The following MDGA1 variants were observed in gnomAD, a reference collection of about 807,000 sequenced individuals.
The protein encoded by MDGA1 is MAM domain-containing glycosylphosphatidylinositol anchor protein 1.
In MDGA1, 54 loss-of-function variants were observed where a neutral mutation model predicts 101.5. The observed-to-expected ratio is 0.53, with a 90% CI of 0.43 to 0.67. The LOEUF is 0.67. Ranked by LOEUF, MDGA1 falls within the 30% of genes least tolerant of loss-of-function variation. The pLI, the probability that MDGA1 is intolerant of heterozygous loss-of-function variation, is 0.00. For synonymous variants in MDGA1, 533 were observed against 558.3 expected (o/e 0.95, Z 0.64); for missense variants, 1,083 against 1,323.8 (o/e 0.82, Z 2.82).
intron 14 of MDGA1, among the ~76,000 whole-genome samples, chr6:37,642,386 G>A (rs907162361): frequency 6.6e-6 from 1 of 151,922 alleles, no homozygotes; most frequent in Non-Finnish European, 1.5e-5. Flanking sequence ...TAGCCAGGCT[G>A]GTCTCGAACT....
At position 37,655,512 on chromosome 6, in the gene MDGA1, T is replaced by C. The variant is rs905955639; in HGVS notation, c.579+188A>G. ...GCCTCGGGGACACTCCTGCCCTCAT[T>C]GCTGCTCCCTGACCTTTCCATCTGA... On this transcript the variant is annotated intron_variant, in intron 4 of 16. Transcript: ENST00000434837. The surrounding 1 kb of genome is among the most constrained non-coding windows in gnomAD (Gnocchi z 5.1). The C allele has an allele frequency of 6.5e-5, 38 of 580,466 alleles. No homozygotes were observed. Among genetic ancestry groups the C allele is most frequent in the Non-Finnish European group, 9.7e-5 (32 of 328,900 alleles). The allele number at this position is 580,466 out of a possible 1,614,324, so 36.0% of individuals were successfully genotyped here. A position where few individuals can be genotyped will look rare whatever the true frequency, so the allele number is the denominator to read the frequency against.
At chr6:37,683,665 C>T (rs571067821) in intron 1 of MDGA1, among the ~76,000 whole-genome samples, 50 of 152,370 alleles carry the variant, frequency 3.3e-4, no homozygotes, top group South Asian at 2.9e-3. Flanking sequence ...CTAGTTCCCT[C>T]ACCCCATGGT....
At chr6:37,657,158 T>TA (rs1316811441) in intron 3 of MDGA1, among the ~76,000 whole-genome samples, 1 of 94,434 alleles carries the variant, frequency 1.1e-5, no homozygotes, top group Non-Finnish European at 2.6e-5. Context: ...AATCCTCACT[T>TA]TAAAAAAATA....
At chr6:37,672,425 C>G (rs1375133773) in intron 1 of MDGA1, among the ~76,000 whole-genome samples, 1 of 152,140 alleles carries the variant, frequency 6.6e-6, no homozygotes, top group Non-Finnish European at 1.5e-5. Context: ...GGCGACAGAG[C>G]AAGACCCCTA....
At position 37,658,258 on chromosome 6, in the gene MDGA1, G is replaced by A. The variant is rs1761536858; in HGVS notation, c.369C>T (p.Arg123=). 6.2e-7 allele frequency: 1 copy of A among 1,601,384 alleles called. No individual in the cohort carries two copies. The highest frequency in any genetic ancestry group is 8.5e-7 in the Non-Finnish European group (1 of 1,173,772). The change falls in exon 3 of 17, where the codon CGC becomes CGT. Residue 123 remains arginine (R), a synonymous_variant. Transcript: ENST00000434837. ...GCCTCAACTCACACTGCACGTCCAC[G>A]CGGATGGACTTGATGGCCGGCACCC... is the stretch of plus-strand genomic sequence containing the variant. ...GVGVPAIKSI[R]VDVQYLDEPM...
chr6:37,654,903 G>A lies in MDGA1; in HGVS notation c.609C>T (p.Asn203=), dbSNP rs1196517796. 6.2e-7 allele frequency: 1 copy of A among 1,613,534 alleles called. No homozygotes were observed. The highest frequency in any genetic ancestry group is 1.3e-5 in the African/African-American group (1 of 74,854). The change falls in exon 5 of 17, where the codon AAC becomes AAT. Residue 203 remains asparagine, a synonymous_variant. Coordinates refer to ENST00000434837, the MANE Select transcript of MDGA1 (RefSeq NM_153487.4). Reference sequence around the variant, plus strand: ...AGCTGGCATAGTCCTGGGGCCGCAGGTTCTTCAGCTTCAGGACCTTGGTCT... The same window carrying A: ...AGCTGGCATAGTCCTGGGGCCGCAGATTCTTCAGCTTCAGGACCTTGGTCT... ...QGETKVLKLK[N]LRPQDYASYT... is the part of the protein sequence containing the mutation.
Position 37,644,759 on chromosome 6 carries a change from C to A in MDGA1, c.2249-110G>T, listed in dbSNP as rs1764186761. 5.1e-6 allele frequency: 6 copies of A among 1,179,244 alleles called. No individual in the cohort carries two copies. The South Asian group carries it at 1.4e-4, about 28-fold the overall frequency. The allele number at this position is 1,179,244 out of a possible 1,614,324, so 73.0% of individuals were successfully genotyped here. On this transcript the variant is annotated intron_variant, in intron 12 of 16. Coordinates refer to ENST00000434837, the MANE Select transcript of MDGA1 (RefSeq NM_153487.4). Reference sequence around the variant, plus strand: ...AGCTCCCATGCATCCAAGCAAGGCACCCAGGATTCCGGGCTTCAAAAGACC... The same window carrying A: ...AGCTCCCATGCATCCAAGCAAGGCAACCAGGATTCCGGGCTTCAAAAGACC...
Position 37,697,045 on chromosome 6 carries a change from G to T in MDGA1, c.-234C>A. 2.3e-6 allele frequency: 1 copy of T among 427,888 alleles called. No individual in the cohort carries two copies. Among genetic ancestry groups the T allele is most frequent in the Non-Finnish European group, 4.1e-6 (1 of 244,328 alleles). 26.5% of individuals were successfully genotyped at this position (427,888 alleles called of 1,614,324 possible). On this transcript the variant is annotated 5_prime_UTR_variant, in exon 1 of 17. Transcript: ENST00000434837. ...GCAGGGGGCGCTGGCCCAGCCCCGG[G>T]TGCCTCGGCGCGCCCGGCACAGCAG...
At chr6:37,664,181 A>C in intron 1 of MDGA1, 75 bp from the exon 2 acceptor site, 3 of 1,577,178 alleles carry the variant, frequency 1.9e-6, no homozygotes, top group Non-Finnish European at 2.6e-6. Flanking sequence ...CTCCCTCCTG[A>C]GTGTATCTGG....
chr6:37,683,500 T>A (rs911228891), intron 1 of MDGA1, among the ~76,000 whole-genome samples: 2 of 151,218 alleles, frequency 1.3e-5, no homozygotes, highest in African/African-American at 4.9e-5. Flanking sequence ...CAGCTCCCAA[T>A]TGCCAATGCC....
chr6:37,644,347 G>T, intron 13 of MDGA1, 150 bp downstream of exon 13: 1 of 891,130 alleles, frequency 1.1e-6, no homozygotes, highest in Non-Finnish European at 1.6e-6. Flanking sequence ...AATCGAGGCT[G>T]TGTCTCCCCT....
chr6:37,651,270 A>G (rs767643543), intron 7 of MDGA1, among the ~76,000 whole-genome samples: 2 of 152,222 alleles, frequency 1.3e-5, no homozygotes, highest in Non-Finnish European at 2.9e-5. Context: ...ACTTAATTCA[A>G]CCCAACACAT....
At position 37,633,600 on chromosome 6, in the gene MDGA1, G is replaced by GT. The variant is rs1192336820; in HGVS notation, c.*3767dup. 6.6e-6 allele frequency: 1 copy of GT among 152,340 alleles called. No homozygotes were observed. The allele number at this position is 152,340 out of a possible 1,614,324, so 9.4% of individuals were successfully genotyped here. A position where few individuals can be genotyped will look rare whatever the true frequency, so the allele number is the denominator to read the frequency against. On this transcript the variant is annotated 3_prime_UTR_variant, in exon 17 of 17. Coordinates refer to ENST00000434837, the MANE Select transcript of MDGA1 (RefSeq NM_153487.4). ...GAGAAGGGCAGCAGCTGCAGACACT[G>GT]TGGTGGGAGGGTGGCCACCTCTGTG...
Position 37,650,253 on chromosome 6 carries a change from G to A in MDGA1, c.1465C>T (p.Leu489=), listed in dbSNP as rs1427389106. 1 of 1,609,854 alleles carries A rather than the reference G, an allele frequency of 6.2e-7. No homozygotes were observed. The highest frequency in any genetic ancestry group is 8.5e-7 in the Non-Finnish European group (1 of 1,179,122). The change falls in exon 8 of 17, where the codon CTG becomes TTG. Residue 489 remains leucine, a synonymous_variant. Transcript: ENST00000434837. ...CCGTCCGGAGTCTCCTCCAGGGGCA[G>A]CCCCGAGGGCAGCAGTGCAGCCTCC... ...DKEAALLPSG[L]PLEETPDGKL...
At chr6:37,676,923 A>G (rs1441321198) in intron 1 of MDGA1, among the ~76,000 whole-genome samples, 6 of 150,014 alleles carry the variant, frequency 4.0e-5, no homozygotes, top group African/African-American at 1.5e-4. Flanking sequence ...AAAAAAAGGA[A>G]AAGCAACCAA....
In MDGA1 at chr6:37,644,615, A is replaced by G; in HGVS notation, c.2283T>C (p.Cys761=). 1 of 1,601,212 alleles carries G rather than the reference A, an allele frequency of 6.2e-7. No individual in the cohort carries two copies. Among genetic ancestry groups the G allele is most frequent in the Non-Finnish European group, 8.5e-7 (1 of 1,174,164 alleles). The stretch of plus-strand genomic sequence containing the variant: ...TGTCTGTCAGGTCCTGGGTATAGCC[A>G]CAGATCTTCTCATCCTCAAAGTGGC... The part of the protein sequence containing the change: ...NTCHFEDEKI[C]GYTQDLTDNF... Residue 761 remains cysteine (C), a synonymous_variant, in exon 13 of 17, where the codon TGT becomes TGC. Transcript: ENST00000434837.
chr6:37,646,114 G>A, intron 11 of MDGA1, 84 bp downstream of exon 11: 1 of 1,556,206 alleles, frequency 6.4e-7, no homozygotes, highest in Non-Finnish European at 8.7e-7. Context: ...GGAACCCCAA[G>A]CTTAGGAACC....
In MDGA1 at chr6:37,654,560, G is replaced by T. The variant is rs1286221782; in HGVS notation, c.713-17C>A. 4 of 1,613,992 alleles carry T rather than the reference G, an allele frequency of 2.5e-6. No homozygotes were observed. The African/African-American group carries it at 4.0e-5, about 16-fold the overall frequency. On this transcript the variant is annotated splice_polypyrimidine_tract_variant and intron_variant, in intron 5 of 16. Transcript: ENST00000434837. The stretch of plus-strand genomic sequence containing the variant: ...CTGGTGGTGCTAAGAGGACAAGGAG[G>T]GGGGTCTTAGGGGACTGTGAGGCAG...
Position 37,664,030 on chromosome 6 carries a change from G to A in MDGA1, c.144C>T (p.Tyr48=). 1 of 1,613,962 alleles carries A rather than the reference G, an allele frequency of 6.2e-7. No homozygotes were observed. Among genetic ancestry groups the A allele is most frequent in the Non-Finnish European group, 8.5e-7 (1 of 1,179,862 alleles). ...VKEDNISERV[Y]TIREGDTLML... Reference sequence around the variant, plus strand: ...TGAGGGTGTCCCCCTCCCGGATGGTGTAGACACGCTCGCTGATATTGTCCT... The same window carrying A: ...TGAGGGTGTCCCCCTCCCGGATGGTATAGACACGCTCGCTGATATTGTCCT... Residue 48 remains tyrosine, a synonymous_variant, in exon 2 of 17, where the codon TAC becomes TAT. Transcript: ENST00000434837.
Sources: allele counts gnomAD v4.1 joint callset (sites outside exome capture counted in the v4.1 genomes callset), GRCh38; gene constraint gnomAD v4.1.1; non-coding constraint Gnocchi (gnomAD v3.1); transcripts MANE v1.5; gene names NCBI Gene and HGNC (gene_info 2026-07-23, HGNC 2026-07-21).